Variants in NOSTRIN observed in about 807,000 individuals in gnomAD.
The protein encoded by NOSTRIN is BM247 homolog.
NOSTRIN carries 63 observed loss-of-function variants against 59.0 expected under a neutral mutation model. That is an observed-to-expected ratio of 1.07 (90% CI 0.87 to 1.32). NOSTRIN has a LOEUF of 1.32. Among genes scored for constraint, NOSTRIN ranks in the 40% most tolerant of loss-of-function variants. The pLI is 0.00. For synonymous variants in NOSTRIN, 200 were observed against 165.4 expected (o/e 1.21, Z -1.61); for missense variants, 512 against 473.1 (o/e 1.08, Z -0.76).
At chr2:168,860,624 T>A (rs1195727947) in intron 13 of NOSTRIN, among the ~76,000 whole-genome samples, 171 bp from the exon 14 acceptor site, 2 of 150,390 alleles carry the variant, frequency 1.3e-5, no homozygotes, top group African/African-American at 2.5e-5. Context: ...TGGGCCAAGA[T>A]CATGCCACTG....
chr2:168,793,299 G>C (rs1574246480), upstream of NOSTRIN, among the ~76,000 whole-genome samples: 1 of 152,146 alleles, frequency 6.6e-6, no homozygotes, highest in Non-Finnish European at 1.5e-5. Context: ...TCAGAATGAA[G>C]AGTCTAAAAC....
At position 168,856,711 on chromosome 2, in the gene NOSTRIN, C is replaced by T. The variant is rs764912679; in HGVS notation, c.986C>T (p.Thr329Met). 6.8e-6 allele frequency: 11 copies of T among 1,614,104 alleles called. No homozygotes were observed. The highest frequency in any genetic ancestry group is 5.5e-5 in the South Asian group (5 of 91,074). The change falls in exon 12 of 16, where the codon ACG becomes ATG. Residue 329 changes from threonine (T) to methionine (M), a missense_variant. Transcript: ENST00000317647. ...TCAGGCCTGGAACGAATGCTTAAAACGTACTCCAGCACCTCCTCCTTCTCT... is the reference window on the plus strand; with the variant it reads ...TCAGGCCTGGAACGAATGCTTAAAATGTACTCCAGCACCTCCTCCTTCTCT... ...DKEGLERMLKTYSSTSSFSDA... is the reference protein window; with the variant it reads ...DKEGLERMLKMYSSTSSFSDA...
At position 168,850,927 on chromosome 2, in the gene NOSTRIN, C is replaced by T. The variant is rs1461766031; in HGVS notation, c.631-157C>T. The stretch of plus-strand genomic sequence containing the variant: ...TTAAGATACCAAGACACATTCCTTC[C>T]TGGAAATCTCCCTCCACTATGGTTT... On this transcript the variant is annotated intron_variant, in intron 8 of 15. Transcript: ENST00000317647. 5.0e-6 allele frequency: 4 copies of T among 801,822 alleles called. No homozygotes were observed. The East Asian group carries it at 1.1e-4, about 21-fold the overall frequency. 49.7% of individuals were successfully genotyped at this position (801,822 alleles called of 1,614,324 possible).
intron 8 of NOSTRIN, among the ~76,000 whole-genome samples, chr2:168,845,004 T>G (rs1429049258): frequency 6.6e-6 from 1 of 151,920 alleles, no homozygotes; most frequent in Admixed American, 6.6e-5. Flanking sequence ...ATTCAACCAC[T>G]CAGAGCAGGA....
chr2:168,803,792 C>G (rs188487086), intron 1 of NOSTRIN, among the ~76,000 whole-genome samples: 25 of 152,176 alleles, frequency 1.6e-4, no homozygotes, highest in African/African-American at 5.8e-4. Context: ...TGAAACTTCC[C>G]CCTTTAATTA....
chr2:168,836,500 G>A (rs1272551190), intron 7 of NOSTRIN, among the ~76,000 whole-genome samples: 4 of 152,110 alleles, frequency 2.6e-5, no homozygotes, highest in African/African-American at 7.2e-5. Flanking sequence ...CCCAAGCGGG[G>A]GGCATTCATT....
chr2:168,851,542 A>C, intron 10 of NOSTRIN, 138 bp downstream of exon 10: 1 of 1,308,928 alleles, frequency 7.6e-7, no homozygotes, highest in African/African-American at 1.5e-5. Context: ...AATTTAAAAA[A>C]CCCAGCATTC....
intron 3 of NOSTRIN, among the ~76,000 whole-genome samples, chr2:168,826,312 G>A (rs1018213906): frequency 2.0e-5 from 3 of 152,102 alleles, no homozygotes; most frequent in African/African-American, 7.2e-5. Context: ...TAGGCCAACT[G>A]GGATTAGTAC....
chr2:168,818,938 G>A (rs1374376583), intron 2 of NOSTRIN, among the ~76,000 whole-genome samples: 1 of 151,972 alleles, frequency 6.6e-6, no homozygotes, highest in Non-Finnish European at 1.5e-5. Context: ...TTCTGAGATC[G>A]GGTTGCCTAT....
intron 11 of NOSTRIN, chr2:168,856,164 T>C (rs887233991): frequency 4.5e-6 from 1 of 223,838 alleles, no homozygotes. Context: ...ACAATCAAGA[T>C]GCTTTAAGCA....
At chr2:168,840,694 T>C (rs905252337) in intron 7 of NOSTRIN, among the ~76,000 whole-genome samples, 4 of 152,154 alleles carry the variant, frequency 2.6e-5, no homozygotes, top group Non-Finnish European at 5.9e-5. Flanking sequence ...GTAAGGTTAG[T>C]CAAAATGCCC....
At chr2:168,822,194 A>C (rs2105599722) in intron 2 of NOSTRIN, among the ~76,000 whole-genome samples, 1 of 152,348 alleles carries the variant, frequency 6.6e-6, no homozygotes, top group South Asian at 2.1e-4. Context: ...GACTGGCTTC[A>C]TTGTCTCAAA....
At chr2:168,832,428 T>C (rs77747836) in intron 6 of NOSTRIN, among the ~76,000 whole-genome samples, 1 of 152,264 alleles carries the variant, frequency 6.6e-6, no homozygotes, top group East Asian at 1.9e-4. Flanking sequence ...CTGAGAAGAC[T>C]TGTTCTCTAA....
intron 6 of NOSTRIN, among the ~76,000 whole-genome samples, chr2:168,833,330 C>G (rs1488103392): frequency 6.6e-6 from 1 of 152,142 alleles, no homozygotes; most frequent in Non-Finnish European, 1.5e-5. Flanking sequence ...GAGCTTATTT[C>G]TTTAATTTTC....
In NOSTRIN at chr2:168,792,503, G is replaced by C. The variant is rs1320328143; in HGVS notation, c.-473+4455G>C. ...CCCGCTCTGTCACCCAGGCTGGAGTGCAGTGGTGCGATCTTGACTCACTGC... is the reference window on the plus strand; with the variant it reads ...CCCGCTCTGTCACCCAGGCTGGAGTCCAGTGGTGCGATCTTGACTCACTGC... On this transcript the variant is annotated intron_variant, in intron 2 of 20. Coordinates refer to the NOSTRIN transcript ENST00000458381. Among the ~76,000 whole-genome samples, 4 of 152,224 alleles carry C rather than the reference G, an allele frequency of 2.6e-5. No homozygotes were observed. The East Asian group carries it at 7.7e-4, about 29-fold the overall frequency.
chr2:168,802,627 A>G, upstream of NOSTRIN: 1 of 867,950 alleles, frequency 1.2e-6, no homozygotes, highest in Non-Finnish European at 2.0e-6. Flanking sequence ...TGAAAGGACA[A>G]AAGCCAGACA....
Position 168,834,513 on chromosome 2 carries a change from A to ACACGCGCG in NOSTRIN, c.504+191_504+192insGCGCGCAC, listed in dbSNP as rs750626575. Among the ~76,000 whole-genome samples the ACACGCGCG allele has an allele frequency of 1.3e-4, 18 of 141,764 alleles. No individual in the cohort carries two copies. The South Asian group carries it at 3.6e-3, about 28-fold the overall frequency. The allele number at this position is 141,764 out of a possible 152,430, so 93.0% of individuals were successfully genotyped here. ...CGTGCGCGCGCGCGCGCGCGCACAC[A>ACACGCGCG]CACACACACACACACACACACACAC... is the stretch of plus-strand genomic sequence containing the variant. On this transcript the variant is annotated intron_variant, in intron 7 of 15. Coordinates refer to ENST00000317647, the MANE Select transcript of NOSTRIN (RefSeq NM_001039724.4).
In NOSTRIN at chr2:168,865,059, GT is replaced by G; in HGVS notation, c.*94del. 7.0e-7 allele frequency: 1 copy of G among 1,432,280 alleles called. No homozygotes were observed. The highest frequency in any genetic ancestry group is 9.5e-7 in the Non-Finnish European group (1 of 1,052,008). The allele number at this position is 1,432,280 out of a possible 1,614,324, so 88.7% of individuals were successfully genotyped here. A position where few individuals can be genotyped will look rare whatever the true frequency, so the allele number is the denominator to read the frequency against. ...GAATAAAGTGCTCTTACCTTTACAT[GT>G]TTTTCTTTTGAAATGGATGGAGTTC... On this transcript the variant is annotated 3_prime_UTR_variant, in exon 16 of 16. Transcript: ENST00000317647.
chr2:168,813,501 A>C (rs907060371), intron 2 of NOSTRIN, among the ~76,000 whole-genome samples: 2 of 152,122 alleles, frequency 1.3e-5, no homozygotes, highest in African/African-American at 4.8e-5. Context: ...TACTTTCTTC[A>C]TACAGCAGAG....
Sources: allele counts gnomAD v4.1 joint callset (sites outside exome capture counted in the v4.1 genomes callset), GRCh38; gene constraint gnomAD v4.1.1; transcripts MANE v1.5; gene names NCBI Gene and HGNC (gene_info 2026-07-23, HGNC 2026-07-21).